Variants in CLEC2A observed in about 807,000 individuals in gnomAD.
CLEC2A encodes keratinocyte-associated C-type lectin.
In CLEC2A, 19 loss-of-function variants were observed where a neutral mutation model predicts 18.6. That is an observed-to-expected ratio of 1.02 (90% confidence interval 0.71 to 1.50). The LOEUF (loss-of-function observed/expected upper bound fraction) is 1.50. Ranked by LOEUF, CLEC2A falls within the 40% of genes most tolerant of loss-of-function variation. The pLI is 0.00. For synonymous variants in CLEC2A, 74 were observed against 64.0 expected (o/e 1.16, Z -0.75); for missense variants, 190 against 207.9 (o/e 0.91, Z 0.53).
chr12:9,920,832 AT>A (rs1235086090), intron 3 of CLEC2A, among the ~76,000 whole-genome samples: 1 of 152,014 alleles, frequency 6.6e-6, no homozygotes, highest in Non-Finnish European at 1.5e-5. Context: ...AAGTGCACAT[AT>A]TTCCTTCATT....
the CLEC2A span, among the ~76,000 whole-genome samples, chr12:9,892,799 G>C: frequency 6.6e-6 from 1 of 151,046 alleles, no homozygotes; most frequent in Non-Finnish European, 1.5e-5. Context: ...GGTCAGGCTG[G>C]TCTTGAACTC....
chr12:9,881,464 T>G, the CLEC2A span: 3 of 608,096 alleles, frequency 4.9e-6, no homozygotes. Flanking sequence ...CTGAGTAAAT[T>G]TTGACTATTT....
chr12:9,881,560 A>G, the CLEC2A span: 11 of 1,401,630 alleles, frequency 7.8e-6, no homozygotes, highest in South Asian at 1.1e-4. Context: ...TCTTTGTACT[A>G]TTTTCTGGAT....
chr12:9,912,665 CAAAA>C (rs3053814), downstream of CLEC2A, among the ~76,000 whole-genome samples: 1 of 142,858 alleles, frequency 7.0e-6, no homozygotes. Context: ...GGGTGAAAAG[CAAAA>C]AAAAAAAAAA....
At chr12:9,906,360 C>T (rs937129455) in intron 4 of CLEC2A, among the ~76,000 whole-genome samples, 1 of 152,144 alleles carries the variant, frequency 6.6e-6, no homozygotes, top group African/African-American at 2.4e-5. Context: ...TGTTTGGCTA[C>T]CTGATCTGCA....
the CLEC2A span, among the ~76,000 whole-genome samples, chr12:9,881,203 T>C: frequency 2.0e-5 from 3 of 152,308 alleles, no homozygotes; most frequent in Middle Eastern, 0.01. Flanking sequence ...TAGACATTTG[T>C]TCTGTTTGTT....
At chr12:9,881,365 T>A in the CLEC2A span, 3 of 429,836 alleles carry the variant, frequency 7.0e-6, no homozygotes, top group Non-Finnish European at 1.2e-5. Context: ...ACCTTTACCT[T>A]GAAATTCACA....
At position 9,926,248 on chromosome 12, in the gene CLEC2A, TA is replaced by T; in HGVS notation, c.139+11del. The T allele has an allele frequency of 6.8e-7, 1 of 1,479,026 alleles. No individual in the cohort carries two copies. Among genetic ancestry groups the T allele is most frequent in the Middle Eastern group, 1.7e-4 (1 of 5,824 alleles). The allele number at this position is 1,479,026 out of a possible 1,614,324, so 91.6% of individuals were successfully genotyped here. The stretch of plus-strand genomic sequence containing the variant: ...GAAGAACCATAGAAAGTGTATGAAT[TA>T]AACCACTCACCTATCATAATAATGC... On this transcript the variant is annotated intron_variant, in intron 2 of 4. Coordinates refer to ENST00000455827, the MANE Select transcript of CLEC2A (RefSeq NM_001130711.2).
chr12:9,916,877 A>G, intron 3 of CLEC2A, 74 bp from the exon 4 acceptor site: 1 of 846,794 alleles, frequency 1.2e-6, no homozygotes, highest in Non-Finnish European at 1.9e-6. Flanking sequence ...TCCCACCCCA[A>G]TTATTCTATC....
the CLEC2A span, among the ~76,000 whole-genome samples, chr12:9,892,550 T>C: frequency 6.6e-6 from 1 of 151,738 alleles, no homozygotes; most frequent in African/African-American, 2.4e-5. Context: ...AATACACAGG[T>C]TAGTAAATTA....
chr12:9,919,441 G>T (rs146421231), intron 3 of CLEC2A, among the ~76,000 whole-genome samples: 2,988 of 152,306 alleles, frequency 0.02, 50 homozygotes, highest in Middle Eastern at 0.065. Context: ...CCTGCAACTT[G>T]TTGGAGGTGT....
chr12:9,881,105 A>G, the CLEC2A span, among the ~76,000 whole-genome samples: 1,478 of 152,338 alleles, frequency 9.7e-3, 18 homozygotes, highest in African/African-American at 0.034. Context: ...GTCCCATCTA[A>G]CCATCGTTAT....
downstream of CLEC2A, among the ~76,000 whole-genome samples, chr12:9,911,426 AT>A (rs551281324): frequency 3.3e-5 from 5 of 152,198 alleles, no homozygotes; most frequent in Non-Finnish European, 7.3e-5. Flanking sequence ...TAATGGTGTG[AT>A]TAGTTCCATA....
chr12:9,899,288 CT>C, intron 4 of CLEC2A, among the ~76,000 whole-genome samples: 1 of 152,124 alleles, frequency 6.6e-6, no homozygotes, highest in Non-Finnish European at 1.5e-5. Flanking sequence ...AATTACCTAA[CT>C]GAGAGGAGTA....
intron 3 of CLEC2A, among the ~76,000 whole-genome samples, chr12:9,920,000 T>C (rs1863139907): frequency 6.6e-6 from 1 of 152,190 alleles, no homozygotes; most frequent in South Asian, 2.1e-4. Flanking sequence ...CTTCCACCCC[T>C]GGTCAACTTG....
intron 1 of CLEC2A, among the ~76,000 whole-genome samples, chr12:9,928,484 A>G (rs1215077598): frequency 6.6e-6 from 1 of 152,104 alleles, no homozygotes; most frequent in African/African-American, 2.4e-5. Context: ...AAAGAAAGAA[A>G]GAAAGAAGAA....
rs1863040404 is a variant in CLEC2A, at chr12:9,914,637, G to C, written c.411-957C>G. Among the ~76,000 whole-genome samples the C allele has an allele frequency of 2.6e-5, 4 of 152,256 alleles. No homozygotes were observed. In the South Asian group the frequency reaches 8.3e-4, roughly 32 times the overall value. On this transcript the variant is annotated intron_variant, in intron 4 of 4. Coordinates refer to ENST00000455827, the MANE Select transcript of CLEC2A (RefSeq NM_001130711.2). ...GGAAGGATTCTCTATTTAATAAATG[G>C]CGCTGGGAAAACTGGCTATCCATAC... is the stretch of plus-strand genomic sequence containing the variant.
intron 4 of CLEC2A, among the ~76,000 whole-genome samples, chr12:9,915,075 T>A (rs1410612877): frequency 1.3e-5 from 2 of 151,984 alleles, no homozygotes; most frequent in Non-Finnish European, 2.9e-5. Flanking sequence ...AAGACATTTA[T>A]GCAGCCAACA....
intron 1 of CLEC2A, 49 bp downstream of exon 1, chr12:9,932,219 CTGTATTT>C: frequency 8.0e-7 from 1 of 1,245,508 alleles, no homozygotes; most frequent in Non-Finnish European, 1.2e-6. Flanking sequence ...TTAAGCTGTC[CTGTATTT>C]TGTTTTATCT....
Sources: gnomAD v4.1 joint callset for allele counts (sites outside exome capture counted in the v4.1 genomes callset) on GRCh38, gnomAD v4.1.1 for gene constraint, MANE v1.5 for transcripts, NCBI Gene and HGNC (gene_info 2026-07-23, HGNC 2026-07-21) for gene names.